The following ADCY6 variants were observed in gnomAD, a reference collection of about 807,000 sequenced individuals.
ADCY6 encodes the protein adenylate cyclase 6, also known as adenylate cyclase type 6.
Under a neutral mutation model 111.6 loss-of-function variants are expected in ADCY6, and 59 were observed. The observed-to-expected ratio is 0.53, with a 90% CI of 0.43 to 0.66. The LOEUF is 0.66. ADCY6 is among the 30% of genes least tolerant of loss of function. The pLI is 0.00. For synonymous variants in ADCY6, 576 were observed against 642.9 expected, an observed-to-expected ratio of 0.90 and a Z score of 1.57; for missense variants, 1,242 against 1,595.6, an observed-to-expected ratio of 0.78 and a Z score of 3.78.
chr12:48,785,748 C>T (rs1045329508), intron 1 of ADCY6, among the ~76,000 whole-genome samples: 7 of 152,266 alleles, frequency 4.6e-5, no homozygotes, highest in African/African-American at 1.7e-4. Context: ...CTAATTCCAT[C>T]TGATCTTCAC....
In ADCY6 at chr12:48,783,329, C is replaced by T; in HGVS notation, c.106G>A (p.Gly36Ser). ...ATATAGCGGGGCGTGCAGAAGCCAC[C>T]TGCCCGAGTGCCACGGCGCCGCGAA... ...KRSRRRGTRA[G>S]GFCTPRYMSC... Residue 36 changes from glycine (G) to serine (S), a missense_variant, in exon 2 of 22, where the codon GGT becomes AGT. Coordinates refer to ENST00000357869, the MANE Select transcript of ADCY6 (RefSeq NM_015270.5). The T allele has an allele frequency of 6.2e-7, 1 of 1,613,972 alleles. No individual in the cohort carries two copies.
At position 48,777,123 on chromosome 12, in the gene ADCY6, C is replaced by T. The variant is rs774406497; in HGVS notation, c.1357G>A (p.Asp453Asn). ...GCTTACGAGATGGCCTCAATCATGT[C>T]TACCCCCATCTCCACACAGCAGTGG... is the stretch of plus-strand genomic sequence containing the variant. Reference protein sequence around the residue: ...HAHCCVEMGVDMIEAISLVRE... With the variant: ...HAHCCVEMGVNMIEAISLVRE... Residue 453 changes from aspartate to asparagine, a missense_variant, in exon 6 of 22, where the codon GAC becomes AAC. Physicochemically the swap from Asp to Asn is conservative, Grantham distance 23. Coordinates refer to ENST00000357869, the MANE Select transcript of ADCY6 (RefSeq NM_015270.5). This position sits in a 1 kb window ranked among gnomAD's most constrained non-coding sequence, Gnocchi z 4.9. 6.2e-7 allele frequency: 1 copy of T among 1,611,432 alleles called. No homozygotes were observed. Among genetic ancestry groups the T allele is most frequent in the Non-Finnish European group, 8.5e-7 (1 of 1,178,610 alleles).
chr12:48,771,597 ACT>A lies in ADCY6; in HGVS notation c.3051+111_3051+112del. Reference sequence around the variant, plus strand: ...ACTGTGCATACCCTTACCCCTGATGACTCTGGGTCCCATCAAATCTCTCTCTC... The same window carrying A: ...ACTGTGCATACCCTTACCCCTGATGACTGGGTCCCATCAAATCTCTCTCTC... On this transcript the variant is annotated intron_variant, in intron 19 of 21. Transcript: ENST00000357869. This position sits in a 1 kb window ranked among gnomAD's most constrained non-coding sequence, Gnocchi z 4.3. The A allele has an allele frequency of 1.3e-6, 2 of 1,525,830 alleles. No homozygotes were observed. Among genetic ancestry groups the A allele is most frequent in the Non-Finnish European group, 1.8e-6 (2 of 1,113,248 alleles). 94.5% of individuals were successfully genotyped at this position (1,525,830 alleles called of 1,614,324 possible).
intron 13 of ADCY6, 59 bp downstream of exon 13, chr12:48,774,632 C>A (rs1184705558): frequency 1.3e-6 from 2 of 1,589,558 alleles, no homozygotes; most frequent in Admixed American, 3.3e-5. Flanking sequence ...CATGTGACCT[C>A]CTCCCTGTCT....
Position 48,788,996 on chromosome 12 carries a change from AGCCCGCGCGTCCTGGCCGTCCC to A in ADCY6, c.-117_-96del, listed in dbSNP as rs1382438400. On this transcript the variant is annotated 5_prime_UTR_variant, in exon 1 of 22. Coordinates refer to ENST00000357869, the MANE Select transcript of ADCY6 (RefSeq NM_015270.5). ...CGGCCGGCCGTCCCGCGGTCCTCCG[AGCCCGCGCGTCCTGGCCGTCCC>A]GCCCGCCGTCCGCCGTCCGCCGTCC... 1.6e-5 allele frequency: 2 copies of A among 124,382 alleles called. No homozygotes were observed. Among genetic ancestry groups the A allele is most frequent in the Non-Finnish European group, 3.3e-5 (2 of 60,992 alleles). The allele number at this position is 124,382 out of a possible 1,614,324, so 7.7% of individuals were successfully genotyped here. A position where few individuals can be genotyped will look rare whatever the true frequency, so the allele number is the denominator to read the frequency against.
intron 14 of ADCY6, 120 bp downstream of exon 14, chr12:48,774,282 C>G: frequency 8.7e-7 from 1 of 1,148,400 alleles, no homozygotes; most frequent in Non-Finnish European, 1.3e-6. Flanking sequence ...TAACCTTCCC[C>G]TATTCTGGGA....
At chr12:48,773,712 G>A (rs779229419) in intron 15 of ADCY6, 65 bp from the exon 16 acceptor site, 2 of 1,581,538 alleles carry the variant, frequency 1.3e-6, no homozygotes, top group Non-Finnish European at 1.7e-6. Flanking sequence ...GGCAGGGAGA[G>A]CCCTGCACTC....
In ADCY6 at chr12:48,774,510, A is replaced by G; in HGVS notation, c.2175T>C (p.Pro725=). ...CAVYSCGSLF[P]KALQRLSRSI... ...TGCGGGACAGACGTTGCAGGGCCTT[A>G]GGGAACAGCTAGAGGCATCAAGAGA... The change falls in exon 14 of 22, where the codon CCT becomes CCC. Residue 725 remains proline (P), a synonymous_variant. Transcript: ENST00000357869. The G allele has an allele frequency of 6.2e-7, 1 of 1,613,868 alleles. No individual in the cohort carries two copies. The highest frequency in any genetic ancestry group is 8.5e-7 in the Non-Finnish European group (1 of 1,179,828).
At chr12:48,773,865 T>C in intron 15 of ADCY6, 75 bp downstream of exon 15, 1 of 1,567,272 alleles carries the variant, frequency 6.4e-7, no homozygotes, top group Non-Finnish European at 8.7e-7. Context: ...CCAGCGCCCA[T>C]CACCAGGCCT....
chr12:48,771,851 G>A lies in ADCY6; in HGVS notation c.2910C>T (p.Leu970=), dbSNP rs773096680. Residue 970 remains leucine, a synonymous_variant, in exon 19 of 22, where the codon CTC becomes CTT. Coordinates refer to ENST00000357869, the MANE Select transcript of ADCY6 (RefSeq NM_015270.5). This position sits in a 1 kb window ranked among gnomAD's most constrained non-coding sequence, Gnocchi z 4.3. The part of the protein sequence containing the change: ...FLARERRNDE[L]YYQSCECVAV... ...CCACACACTCACACGACTGATAGTA[G>A]AGTTCATCATTGCGGCGCTCCCGGG... 4.3e-6 allele frequency: 7 copies of A among 1,614,084 alleles called. 1 individual carries two copies. In the Admixed American group the frequency reaches 6.7e-5, roughly 15 times the overall value.
chr12:48,775,493 C>A (rs529992284), intron 10 of ADCY6, 43 bp from the exon 11 acceptor site: 2 of 1,610,294 alleles, frequency 1.2e-6, no homozygotes, highest in Admixed American at 1.7e-5. Flanking sequence ...ATGGGCATGG[C>A]CATGTGAGAA....
In ADCY6 at chr12:48,778,323, C is replaced by A. The variant is rs747491905; in HGVS notation, c.865-66G>T. 5 of 1,591,702 alleles carry A rather than the reference C, an allele frequency of 3.1e-6. No homozygotes were observed. The African/African-American group carries it at 5.4e-5, about 17-fold the overall frequency. On this transcript the variant is annotated intron_variant, in intron 2 of 21. Coordinates refer to ENST00000357869, the MANE Select transcript of ADCY6 (RefSeq NM_015270.5). ...GCCTGCCCCCCTAAACACACACACA[C>A]ATTCACACAACTTGCTAGGTTCTCT...
At position 48,778,201 on chromosome 12, in the gene ADCY6, G is replaced by A; in HGVS notation, c.921C>T (p.His307=). 2 of 1,614,174 alleles carry A rather than the reference G, an allele frequency of 1.2e-6. No homozygotes were observed. The highest frequency in any genetic ancestry group is 1.7e-6 in the Non-Finnish European group (2 of 1,180,044). ...LCTNVIGICT[H]YPAEVSQRQA... is the part of the protein sequence containing the mutation. ...GGCGCTGAGACACCTCTGCTGGATAGTGTGTGCAGATGCCAATGACGTTGG... is the reference window on the plus strand; with the variant it reads ...GGCGCTGAGACACCTCTGCTGGATAATGTGTGCAGATGCCAATGACGTTGG... The change falls in exon 3 of 22, where the codon CAC becomes CAT. Residue 307 remains histidine, a synonymous_variant. Coordinates refer to ENST00000357869, the MANE Select transcript of ADCY6 (RefSeq NM_015270.5).
rs114641886 is a variant in ADCY6, at chr12:48,771,699, T to C, written c.3051+11A>G. 6.2e-7 allele frequency: 1 copy of C among 1,613,806 alleles called. No individual in the cohort carries two copies. Among genetic ancestry groups the C allele is most frequent in the Non-Finnish European group, 8.5e-7 (1 of 1,180,020 alleles). Reference sequence around the variant, plus strand: ...CCACTCTCTGCCACCACCAGCCAACTGGAAAAGTACCTCATCAAAGTCAGC... The same window carrying C: ...CCACTCTCTGCCACCACCAGCCAACCGGAAAAGTACCTCATCAAAGTCAGC... On this transcript the variant is annotated intron_variant, in intron 19 of 21. Transcript: ENST00000357869. The surrounding 1 kb of genome is among the most constrained non-coding windows in gnomAD (Gnocchi z 4.3).
At chr12:48,781,130 A>G (rs1437310031) in intron 2 of ADCY6, among the ~76,000 whole-genome samples, 1 of 151,470 alleles carries the variant, frequency 6.6e-6, no homozygotes, top group Non-Finnish European at 1.5e-5. Context: ...CCTGGGAGGC[A>G]GAGGTTGCAG....
chr12:48,780,305 C>T (rs1941809992), intron 2 of ADCY6, among the ~76,000 whole-genome samples: 1 of 152,064 alleles, frequency 6.6e-6, no homozygotes, highest in African/African-American at 2.4e-5. Flanking sequence ...ATGAGTGGGT[C>T]GGTAGGGGAC....
rs756374696 is a variant in ADCY6 at position 48,775,297 on chromosome 12, T to C, written c.1980+6A>G. 1 of 1,613,868 alleles carries C rather than the reference T, an allele frequency of 6.2e-7. No individual in the cohort carries two copies. The highest frequency in any genetic ancestry group is 2.2e-5 in the East Asian group (1 of 44,864). On this transcript the variant is annotated splice_donor_region_variant and intron_variant, in intron 11 of 21. Coordinates refer to ENST00000357869, the MANE Select transcript of ADCY6 (RefSeq NM_015270.5). Reference sequence around the variant, plus strand: ...CCCTTGTCCTTCTGCCCTGTATCCCTCAAACCTTCTTCTCAAGATCCTCTC... The same window carrying C: ...CCCTTGTCCTTCTGCCCTGTATCCCCCAAACCTTCTTCTCAAGATCCTCTC...
In ADCY6 at chr12:48,771,672, C is replaced by A. The variant is rs745316597; in HGVS notation, c.3051+38G>T. ...TTCCAATCCCTGGTCTCCAAGTACC[C>A]CCCACTCTCTGCCACCACCAGCCAA... On this transcript the variant is annotated intron_variant, in intron 19 of 21. Coordinates refer to ENST00000357869, the MANE Select transcript of ADCY6 (RefSeq NM_015270.5). This position sits in a 1 kb window ranked among gnomAD's most constrained non-coding sequence, Gnocchi z 4.3. 1.2e-6 allele frequency: 2 copies of A among 1,612,500 alleles called. No homozygotes were observed. Among genetic ancestry groups the A allele is most frequent in the Non-Finnish European group, 1.7e-6 (2 of 1,179,996 alleles).
Position 48,777,481 on chromosome 12 carries a change from A to G in ADCY6, c.1177T>C (p.Ser393Pro). Residue 393 changes from serine to proline, a missense_variant, in exon 5 of 22, where the codon TCC becomes CCC. Ser to Pro is a moderately conservative substitution (Grantham distance 74). Coordinates refer to ENST00000357869, the MANE Select transcript of ADCY6 (RefSeq NM_015270.5). This position sits in a 1 kb window ranked among gnomAD's most constrained non-coding sequence, Gnocchi z 4.9. ...ACCAGCTCCTGCGCAGTGCACTGGG[A>G]TGCCAGGCTGGTGAAGCCCTCAATG... is the stretch of plus-strand genomic sequence containing the variant. Reference protein sequence around the residue: ...ADIEGFTSLASQCTAQELVMT... With the variant: ...ADIEGFTSLAPQCTAQELVMT... 1 of 1,614,238 alleles carries G rather than the reference A, an allele frequency of 6.2e-7. No individual in the cohort carries two copies. The highest frequency in any genetic ancestry group is 8.5e-7 in the Non-Finnish European group (1 of 1,180,040).
Sources: allele counts gnomAD v4.1 joint callset (sites outside exome capture counted in the v4.1 genomes callset), GRCh38; gene constraint gnomAD v4.1.1; non-coding constraint Gnocchi (gnomAD v3.1); transcripts MANE v1.5; gene names NCBI Gene and HGNC (gene_info 2026-07-23, HGNC 2026-07-21).